FGF14: variants seen among roughly 807,000 people sequenced by gnomAD.
FGF14 encodes the protein fibroblast growth factor 14, also known as fibroblast growth factor homologous factor 4.
A neutral mutation model predicts 25.5 loss-of-function variants in FGF14; 5 were observed. The ratio of observed to expected loss-of-function variants is 0.20; its 90% CI spans 0.10 to 0.41. FGF14 has a LOEUF of 0.41. Ranked by LOEUF, FGF14 falls within the 10% of genes least tolerant of loss-of-function variation. The probability of loss-of-function intolerance (pLI) is 1.00; values close to 1 mark genes in which losing one functional copy is unlikely to be tolerated. For synonymous variants in FGF14, 138 were observed against 118.3 expected (o/e 1.17, Z -1.08); for missense variants, 222 against 320.1 (o/e 0.69, Z 2.34).
At chr13:102,171,970 A>G (rs1395396403) in intron 1 of FGF14, among the ~76,000 whole-genome samples, 4 of 124,180 alleles carry the variant, frequency 3.2e-5, no homozygotes, top group Admixed American at 2.6e-4. Context: ...TGCACTTACC[A>G]TGTATTTATT....
chr13:102,064,000 G>C (rs556483995), intron 1 of FGF14, among the ~76,000 whole-genome samples: 1 of 152,174 alleles, frequency 6.6e-6, no homozygotes, highest in East Asian at 1.9e-4. Flanking sequence ...TAATTAAAAG[G>C]TTTTTTAAAG....
At chr13:102,026,033 TA>T (rs1422030765) in intron 1 of FGF14, among the ~76,000 whole-genome samples, 1 of 152,158 alleles carries the variant, frequency 6.6e-6, no homozygotes, top group Middle Eastern at 3.4e-3. Context: ...TTCCTTGTTC[TA>T]GGGGGAAATC....
chr13:102,083,505 C>A (rs1230516465), intron 1 of FGF14, among the ~76,000 whole-genome samples: 1 of 152,072 alleles, frequency 6.6e-6, no homozygotes, highest in African/African-American at 2.4e-5. Flanking sequence ...AGATAGTAGA[C>A]CCCCTTACCT....
rs139410969 is a variant in FGF14 at position 101,995,725 on chromosome 13, A to G, written c.209-120429T>C. ...GAGCAACTCTCTTCAGTCTCAAATC[A>G]GGGAATTCTGCCTAGAAGAGCTGGC... On this transcript the variant is annotated intron_variant, in intron 1 of 4. Coordinates refer to the FGF14 transcript ENST00000376131. Among the ~76,000 whole-genome samples the G allele has an allele frequency of 7.0e-3, 1,062 of 152,326 alleles. 12 individuals are homozygous for G. Among genetic ancestry groups the G allele is most frequent in the African/African-American group, 0.024 (997 of 41,566 alleles).
rs189716456 is a variant in FGF14 at position 101,819,801 on chromosome 13, C to T, written c.408+48924G>A. On this transcript the variant is annotated intron_variant, in intron 3 of 4. Transcript: ENST00000376143. ...TCTTATGATAAGAGAGAAAACATGT[C>T]CTGGTGTCTTCTGTCTTGGGACTTT... Among the ~76,000 whole-genome samples, 278 of 152,242 alleles carry T rather than the reference C, an allele frequency of 1.8e-3. 2 individuals carry two copies. The highest frequency in any genetic ancestry group is 6.2e-3 in the African/African-American group (257 of 41,538).
At chr13:101,892,522 T>C (rs763362682) in intron 1 of FGF14, among the ~76,000 whole-genome samples, 11 of 152,186 alleles carry the variant, frequency 7.2e-5, no homozygotes, top group Non-Finnish European at 1.3e-4. Flanking sequence ...GAATTAAGCT[T>C]GTTATGACTC....
At chr13:101,775,214 T>A (rs1448588079) in intron 3 of FGF14, among the ~76,000 whole-genome samples, 1 of 152,162 alleles carries the variant, frequency 6.6e-6, no homozygotes, top group African/African-American at 2.4e-5. Flanking sequence ...AAATGTGTGT[T>A]CTAATAAAGA....
At chr13:101,733,609 AAAAGAGAGAGAGG>A (rs1265355164) in intron 3 of FGF14, among the ~76,000 whole-genome samples, 7 of 130,100 alleles carry the variant, frequency 5.4e-5, no homozygotes, top group South Asian at 2.7e-4. Context: ...AAAAAAAAAA[AAAAGAGAGAGAGG>A]AGAGAGAGAC....
At chr13:101,783,620 G>C (rs2039643857) in intron 3 of FGF14, among the ~76,000 whole-genome samples, 1 of 151,962 alleles carries the variant, frequency 6.6e-6, no homozygotes, top group African/African-American at 2.4e-5. Context: ...CCATTGTCTA[G>C]GTTGCCTGTT....
At chr13:102,258,377 G>A (rs766208369) in intron 1 of FGF14, among the ~76,000 whole-genome samples, 3 of 152,070 alleles carry the variant, frequency 2.0e-5, no homozygotes, top group Non-Finnish European at 4.4e-5. Context: ...CGACCATGGA[G>A]GTCGCTTGCC....
intron 3 of FGF14, among the ~76,000 whole-genome samples, chr13:101,853,726 G>A (rs1313374834): frequency 1.3e-5 from 2 of 151,992 alleles, no homozygotes; most frequent in Admixed American, 6.6e-5. Context: ...AAAGCACTGG[G>A]ATTACAGGTG....
chr13:102,381,988 A>C (rs2058193785), intron 1 of FGF14, among the ~76,000 whole-genome samples: 1 of 152,186 alleles, frequency 6.6e-6, no homozygotes, highest in Non-Finnish European at 1.5e-5. Flanking sequence ...GCATCTACTA[A>C]ATTAAGTCAA....
chr13:102,156,521 A>G (rs1430237215), intron 1 of FGF14, among the ~76,000 whole-genome samples: 1 of 152,232 alleles, frequency 6.6e-6, no homozygotes, highest in Admixed American at 6.5e-5. Context: ...CAAAATCATA[A>G]GAGCTATTTA....
intron 1 of FGF14, among the ~76,000 whole-genome samples, chr13:102,255,288 G>A (rs746459606): frequency 2.6e-5 from 4 of 152,070 alleles, no homozygotes; most frequent in African/African-American, 7.2e-5. Context: ...ACCATCTTTC[G>A]GTATCAAGTA....
intron 1 of FGF14, among the ~76,000 whole-genome samples, chr13:102,222,124 C>A (rs9300720): frequency 2.0e-5 from 3 of 152,052 alleles, no homozygotes; most frequent in African/African-American, 7.2e-5. Flanking sequence ...ACTCTGAACA[C>A]AGAATATAGC....
rs528525443 is a variant in FGF14 at position 101,712,973 on chromosome 13, C to T, written c.*9858G>A. On this transcript the variant is annotated 3_prime_UTR_variant, in exon 5 of 5. Coordinates refer to ENST00000376143, the MANE Select transcript of FGF14 (RefSeq NM_004115.4). ...AAAACTGAGAAGACGTGTATATTTC[C>T]TCAAGAGCATGCAAATCAACCTGGA... 2.6e-5 allele frequency: 4 copies of T among 152,276 alleles called. No homozygotes were observed. The East Asian group carries it at 5.8e-4, about 22-fold the overall frequency. 9.4% of individuals were successfully genotyped at this position (152,276 alleles called of 1,614,324 possible).
At chr13:102,368,485 G>A (rs1432599426) in intron 1 of FGF14, among the ~76,000 whole-genome samples, 2 of 152,114 alleles carry the variant, frequency 1.3e-5, no homozygotes, top group African/African-American at 4.8e-5. Flanking sequence ...TGACCACGGG[G>A]GGTTCAGAAG....
intron 3 of FGF14, among the ~76,000 whole-genome samples, chr13:101,760,073 T>C (rs1370964695): frequency 6.6e-6 from 1 of 152,128 alleles, no homozygotes; most frequent in African/African-American, 2.4e-5. Flanking sequence ...CCGCACAGAA[T>C]ACAGTACTAG....
At chr13:102,079,712 T>A (rs1157259776) in intron 1 of FGF14, among the ~76,000 whole-genome samples, 6 of 152,128 alleles carry the variant, frequency 3.9e-5, no homozygotes, top group Admixed American at 6.5e-5. Context: ...ACTCTGTACA[T>A]CACAAATACT....
Sources: gnomAD v4.1 joint callset for allele counts (sites outside exome capture counted in the v4.1 genomes callset) on GRCh38, gnomAD v4.1.1 for gene constraint, MANE v1.5 for transcripts, NCBI Gene and HGNC (gene_info 2026-07-23, HGNC 2026-07-21) for gene names.